PKNOX1: variants seen among roughly 807,000 people sequenced by gnomAD.
PKNOX1 encodes the protein PBX/knotted 1 homeobox 1.
In PKNOX1, 15 loss-of-function variants were observed where a neutral mutation model predicts 51.9. That is an observed-to-expected ratio of 0.29 (90% CI 0.19 to 0.45). The LOEUF (loss-of-function observed/expected upper bound fraction) is 0.45, where lower values mean the gene tolerates loss of function less well. Ranked by LOEUF, PKNOX1 falls within the 20% of genes least tolerant of loss-of-function variation. PKNOX1 has a pLI of 1.00. For synonymous variants in PKNOX1, 219 were observed against 211.1 expected, an observed-to-expected ratio of 1.04 and a Z score of -0.32; for missense variants, 462 against 547.5, an observed-to-expected ratio of 0.84 and a Z score of 1.56.
rs71195904 is a variant in PKNOX1 at position 42,984,974 on chromosome 21, C to CTTTTTTTTTTT, written c.-57+10327_-57+10337dup. Among the ~76,000 whole-genome samples the CTTTTTTTTTTT allele has an allele frequency of 5.7e-4, 33 of 58,002 alleles. 1 individual carries two copies. Among genetic ancestry groups the CTTTTTTTTTTT allele is most frequent in the Admixed American group, 1.5e-3 (5 of 3,432 alleles). The allele number at this position is 58,002 out of a possible 152,430, so 38.1% of individuals were successfully genotyped here. A position where few individuals can be genotyped will look rare whatever the true frequency, so the allele number is the denominator to read the frequency against. ...GGGTTAGGGTTCCTCATTTTCTTTT[C>CTTTTTTTTTTT]TTTTTTTTTTTTTTTTTTTTTTTTT... is the stretch of plus-strand genomic sequence containing the variant. On this transcript the variant is annotated intron_variant, in intron 1 of 10. Coordinates refer to ENST00000291547, the MANE Select transcript of PKNOX1 (RefSeq NM_004571.5).
chr21:43,010,148 A>T lies in PKNOX1; in HGVS notation c.275A>T (p.Asp92Val), dbSNP rs1185592121. The change falls in exon 4 of 11, where the codon GAC becomes GTC. Residue 92 changes from aspartate (D) to valine (V), a missense_variant. Transcript: ENST00000291547. ...ACAACTTCTGCCAGTTTTGATGTAGACATCGAAAATTTTGTAAGAAAGCAA... is the reference window on the plus strand; with the variant it reads ...ACAACTTCTGCCAGTTTTGATGTAGTCATCGAAAATTTTGTAAGAAAGCAA... ...EGTTSASFDV[D>V]IENFVRKQEK... The T allele has an allele frequency of 1.2e-6, 2 of 1,606,608 alleles. No homozygotes were observed. The highest frequency in any genetic ancestry group is 4.5e-5 in the East Asian group (2 of 44,680).
chr21:42,976,841 C>T (rs415763), intron 1 of PKNOX1, among the ~76,000 whole-genome samples: 130,373 of 152,164 alleles, frequency 0.86, 55,921 homozygotes, highest in African/African-American at 0.88. Context: ...ATGGCAGATT[C>T]TTTCCAGAAG....
chr21:43,007,723 G>GC (rs1481714234), intron 3 of PKNOX1, 105 bp downstream of exon 3: 1 of 1,297,448 alleles, frequency 7.7e-7, no homozygotes, highest in Non-Finnish European at 1.1e-6. Context: ...GTTGTGAGGT[G>GC]CCATTATGAT....
At chr21:43,012,809 C>T (rs927662682) in intron 4 of PKNOX1, among the ~76,000 whole-genome samples, 2 of 152,282 alleles carry the variant, frequency 1.3e-5, no homozygotes, top group East Asian at 3.9e-4. Context: ...TCACAGCCCA[C>T]ACACCTAGCA....
chr21:43,007,240 G>T (rs1444004567), intron 2 of PKNOX1, among the ~76,000 whole-genome samples: 2 of 152,156 alleles, frequency 1.3e-5, no homozygotes, highest in African/African-American at 2.4e-5. Context: ...TTAGGCCATC[G>T]CCAGTGTTAT....
chr21:43,023,931 T>TC (rs1403866723), intron 8 of PKNOX1, among the ~76,000 whole-genome samples: 1 of 150,606 alleles, frequency 6.6e-6, no homozygotes, highest in East Asian at 1.9e-4. Context: ...TTTTTTTTTT[T>TC]CCCAGATGGC....
chr21:42,975,982 T>A (rs946747586), intron 1 of PKNOX1, among the ~76,000 whole-genome samples: 2 of 152,246 alleles, frequency 1.3e-5, no homozygotes, highest in Non-Finnish European at 2.9e-5. Context: ...TTATTGGTGA[T>A]GCTCTTGCAT....
At chr21:42,998,848 C>T (rs1262779953) in intron 1 of PKNOX1, among the ~76,000 whole-genome samples, 3 of 152,198 alleles carry the variant, frequency 2.0e-5, no homozygotes, top group Admixed American at 6.5e-5. Context: ...CACGGGCTGG[C>T]ATTTAGTGTC....
At chr21:43,009,957 A>G in intron 3 of PKNOX1, 96 bp from the exon 4 acceptor site, 1 of 686,080 alleles carries the variant, frequency 1.5e-6, no homozygotes, top group Non-Finnish European at 2.3e-6. Context: ...TTTTCACCCA[A>G]CAGAGGTGTT....
intron 1 of PKNOX1, among the ~76,000 whole-genome samples, chr21:42,995,813 C>A (rs368942318): frequency 6.6e-6 from 1 of 152,112 alleles, no homozygotes; most frequent in Non-Finnish European, 1.5e-5. Flanking sequence ...TGGTGGTTGC[C>A]GAATGGTGAT....
At chr21:42,979,362 T>G (rs1392546711) in intron 1 of PKNOX1, among the ~76,000 whole-genome samples, 1 of 152,256 alleles carries the variant, frequency 6.6e-6, no homozygotes, top group Admixed American at 6.5e-5. Flanking sequence ...GCTTGCTTTC[T>G]TCATACAGGG....
chr21:43,013,514 TTA>T (rs1979348149), intron 5 of PKNOX1, among the ~76,000 whole-genome samples: 1 of 152,248 alleles, frequency 6.6e-6, no homozygotes, highest in African/African-American at 2.4e-5. Flanking sequence ...AATATTTTAC[TTA>T]TTCTTTTGAA....
At chr21:43,003,069 C>G (rs1470962853) in intron 1 of PKNOX1, among the ~76,000 whole-genome samples, 1 of 152,214 alleles carries the variant, frequency 6.6e-6, no homozygotes, top group Non-Finnish European at 1.5e-5. Context: ...CTGCATCCTG[C>G]AAGACTTGGA....
At position 43,019,411 on chromosome 21, in the gene PKNOX1, A is replaced by AC. The variant is rs1242718118; in HGVS notation, c.720+1181_720+1182insC. Among the ~76,000 whole-genome samples, 79 of 150,838 alleles carry AC rather than the reference A, an allele frequency of 5.2e-4. 1 individual carries two copies. Among genetic ancestry groups the AC allele is most frequent in the South Asian group, 8.4e-4 (4 of 4,748 alleles). ...CATCTCAAATAAAATAAAATAAACA[A>AC]AAAAAAAACACACATTTTTTTGAGA... On this transcript the variant is annotated intron_variant, in intron 7 of 10. Coordinates refer to ENST00000291547, the MANE Select transcript of PKNOX1 (RefSeq NM_004571.5).
chr21:43,000,600 G>T lies in PKNOX1; in HGVS notation c.-56-3726G>T, dbSNP rs560761339. ...CGTGGGAATTCAAGATGAGATTTGGGTGGGGACACAGCTAAACCATATCAC... is the reference window on the plus strand; with the variant it reads ...CGTGGGAATTCAAGATGAGATTTGGTTGGGGACACAGCTAAACCATATCAC... On this transcript the variant is annotated intron_variant, in intron 1 of 10. Transcript: ENST00000291547. Among the ~76,000 whole-genome samples the T allele has an allele frequency of 1.4e-4, 21 of 152,256 alleles. No homozygotes were observed. In the South Asian group the frequency reaches 1.7e-3, roughly 12 times the overall value.
chr21:42,980,061 G>C (rs1027029506), intron 1 of PKNOX1, among the ~76,000 whole-genome samples: 1 of 152,114 alleles, frequency 6.6e-6, no homozygotes, highest in African/African-American at 2.4e-5. Flanking sequence ...CGTTTCTCTG[G>C]CAGTAACTTT....
chr21:42,980,005 A>G (rs2839612), intron 1 of PKNOX1, among the ~76,000 whole-genome samples: 5,769 of 152,302 alleles, frequency 0.038, 140 homozygotes, highest in Middle Eastern at 0.061. Context: ...AATGATACTG[A>G]GTACAATGCA....
At chr21:43,002,523 C>T (rs1252875323) in intron 1 of PKNOX1, among the ~76,000 whole-genome samples, 1 of 151,850 alleles carries the variant, frequency 6.6e-6, no homozygotes, top group Non-Finnish European at 1.5e-5. Context: ...GGGTGAGTCC[C>T]AGCTCAGCCT....
chr21:43,023,722 C>A (rs1979865126), intron 8 of PKNOX1, among the ~76,000 whole-genome samples: 1 of 151,872 alleles, frequency 6.6e-6, no homozygotes, highest in Non-Finnish European at 1.5e-5. Flanking sequence ...TCAAGCAATT[C>A]TTCTGCCTCA....
Sources: allele counts gnomAD v4.1 joint callset (sites outside exome capture counted in the v4.1 genomes callset), GRCh38; gene constraint gnomAD v4.1.1; transcripts MANE v1.5; gene names NCBI Gene and HGNC (gene_info 2026-07-23, HGNC 2026-07-21).